Variants in ST7 observed in about 807,000 individuals in gnomAD.
The protein encoded by ST7 is suppression of tumorigenicity 7.
Under a neutral mutation model 78.7 loss-of-function variants are expected in ST7, and 28 were observed. The ratio of observed to expected loss-of-function variants is 0.36; its 90% CI spans 0.26 to 0.49. ST7 has a LOEUF of 0.49. ST7 is among the 20% of genes least tolerant of loss of function. The probability of loss-of-function intolerance (pLI) is 0.99; values close to 1 mark genes in which losing one functional copy is unlikely to be tolerated. For missense variants in ST7, 418 were observed against 696.0 expected, an observed-to-expected ratio of 0.60 and a Z score of 4.49; for synonymous variants, 247 against 249.6, an observed-to-expected ratio of 0.99 and a Z score of 0.10.
At chr7:117,014,554 G>A (rs1339126134) in intron 1 of ST7, among the ~76,000 whole-genome samples, 1 of 152,206 alleles carries the variant, frequency 6.6e-6, no homozygotes. Context: ...ATGAATGAAT[G>A]TAATGACAAA....
intron 1 of ST7, among the ~76,000 whole-genome samples, chr7:117,003,686 G>A (rs1298750075): frequency 1.3e-5 from 2 of 152,110 alleles, no homozygotes; most frequent in African/African-American, 2.4e-5. Flanking sequence ...TCCTGCCTCA[G>A]CCTCCCAAAG....
intron 1 of ST7, among the ~76,000 whole-genome samples, chr7:116,968,167 TA>T (rs896361815): frequency 2.6e-5 from 4 of 152,190 alleles, no homozygotes; most frequent in African/African-American, 9.6e-5. Context: ...CGTTGCACTA[TA>T]AAAAAGGATT....
chr7:116,968,530 C>T (rs1164783118), intron 1 of ST7: 2 of 382,850 alleles, frequency 5.2e-6, no homozygotes, highest in African/African-American at 4.2e-5. Flanking sequence ...TATGTTGAAC[C>T]TCTTTTCTCT....
chr7:117,201,360 CT>C (rs1810828662), intron 12 of ST7, among the ~76,000 whole-genome samples: 1 of 152,100 alleles, frequency 6.6e-6, no homozygotes, highest in Admixed American at 6.5e-5. Context: ...ACAAAAAGCA[CT>C]GCAGCTGCTT....
chr7:117,180,759 C>A (rs532680534), intron 10 of ST7, among the ~76,000 whole-genome samples: 1 of 152,262 alleles, frequency 6.6e-6, no homozygotes, highest in East Asian at 1.9e-4. Flanking sequence ...AAGTGATCCT[C>A]CCACCTCAGC....
chr7:117,070,609 C>T (rs997340303), intron 1 of ST7, among the ~76,000 whole-genome samples: 5 of 152,108 alleles, frequency 3.3e-5, no homozygotes, highest in African/African-American at 7.2e-5. Context: ...GGCGCGATCT[C>T]GGCTCACTGC....
chr7:117,028,634 A>G (rs1360529644), intron 1 of ST7, among the ~76,000 whole-genome samples: 2 of 152,206 alleles, frequency 1.3e-5, no homozygotes, highest in Admixed American at 1.3e-4. Context: ...TCAGTTACCC[A>G]TTGCTACACA....
chr7:117,135,942 A>G (rs1440672368), intron 7 of ST7, 139 bp from the exon 8 acceptor site: 4 of 816,528 alleles, frequency 4.9e-6, no homozygotes, highest in East Asian at 2.5e-5. Context: ...TGTGTCAGCA[A>G]CTACAAACAG....
At chr7:117,169,599 C>T (rs900025814) in intron 9 of ST7, among the ~76,000 whole-genome samples, 1 of 152,114 alleles carries the variant, frequency 6.6e-6, no homozygotes, top group Non-Finnish European at 1.5e-5. Context: ...TTTAATCATT[C>T]GTTCACCATC....
intron 1 of ST7, among the ~76,000 whole-genome samples, chr7:116,979,008 G>A (rs1162782162): frequency 6.6e-6 from 1 of 152,216 alleles, no homozygotes; most frequent in Non-Finnish European, 1.5e-5. Context: ...GTACCCTGGA[G>A]TAAGCAGCAG....
rs1798851504 is a variant in ST7 at position 117,070,151 on chromosome 7, T to C, written c.152-29611T>C. On this transcript the variant is annotated intron_variant, in intron 1 of 15. Coordinates refer to ENST00000323984, the MANE Select transcript of ST7 (RefSeq NM_001369598.1). ...ATGGACCTGATAGATACAAATAACT[T>C]TCAGGACATTTGGTGATGGAATTTG... is the stretch of plus-strand genomic sequence containing the variant. Among the ~76,000 whole-genome samples the C allele has an allele frequency of 3.3e-5, 5 of 152,160 alleles. No homozygotes were observed. The South Asian group carries it at 1.0e-3, about 32-fold the overall frequency.
At chr7:117,089,805 T>C (rs983018728) in intron 1 of ST7, among the ~76,000 whole-genome samples, 2 of 151,962 alleles carry the variant, frequency 1.3e-5, no homozygotes. Flanking sequence ...CTCCTGACCT[T>C]GTGATCCTCC....
At chr7:116,985,892 G>A (rs1202178083) in intron 1 of ST7, among the ~76,000 whole-genome samples, 2 of 152,216 alleles carry the variant, frequency 1.3e-5, no homozygotes, top group Non-Finnish European at 2.9e-5. Context: ...GAGTGTAGTA[G>A]CATGATCTTG....
chr7:117,155,929 G>A (rs1226335399), intron 9 of ST7, among the ~76,000 whole-genome samples: 1 of 152,168 alleles, frequency 6.6e-6, no homozygotes, highest in Non-Finnish European at 1.5e-5. Context: ...ACTGCTGGAA[G>A]CTTTCCCCAG....
intron 1 of ST7, among the ~76,000 whole-genome samples, chr7:117,088,531 C>T (rs1045897663): frequency 6.6e-6 from 1 of 152,178 alleles, no homozygotes; most frequent in African/African-American, 2.4e-5. Flanking sequence ...TCTGTTCAAA[C>T]AGTTGATTAT....
intron 9 of ST7, among the ~76,000 whole-genome samples, chr7:117,163,013 A>G (rs1807275336): frequency 6.6e-6 from 1 of 152,206 alleles, no homozygotes; most frequent in Non-Finnish European, 1.5e-5. Context: ...CATAGGAATG[A>G]GAACATGCAG....
At chr7:116,977,048 A>G (rs1474698143) in intron 1 of ST7, among the ~76,000 whole-genome samples, 1 of 152,228 alleles carries the variant, frequency 6.6e-6, no homozygotes, top group Admixed American at 6.5e-5. Flanking sequence ...TGAGATTATG[A>G]TAGTTATAAT....
intron 1 of ST7, among the ~76,000 whole-genome samples, chr7:116,970,997 G>T (rs1199825886): frequency 2.6e-5 from 4 of 152,120 alleles, no homozygotes; most frequent in Non-Finnish European, 4.4e-5. Flanking sequence ...GACCCAAAGA[G>T]ACCACATCAA....
intron 2 of ST7, among the ~76,000 whole-genome samples, chr7:117,105,212 C>A (rs1416297413): frequency 1.3e-5 from 2 of 152,052 alleles, no homozygotes; most frequent in Non-Finnish European, 2.9e-5. Flanking sequence ...GTGAAATAAG[C>A]CAAGTACAGA....
Sources: allele counts gnomAD v4.1 joint callset (sites outside exome capture counted in the v4.1 genomes callset), GRCh38; gene constraint gnomAD v4.1.1; transcripts MANE v1.5; gene names NCBI Gene and HGNC (gene_info 2026-07-23, HGNC 2026-07-21).